The following CD247 variants were observed in gnomAD, a reference collection of about 807,000 sequenced individuals.
CD247 encodes CD247 molecule, also known as T-cell surface glycoprotein CD3 zeta chain.
A neutral mutation model predicts 30.0 loss-of-function variants in CD247; 13 were observed. The ratio of observed to expected loss-of-function variants is 0.43; its 90% confidence interval spans 0.28 to 0.69. CD247 has a LOEUF of 0.69. CD247 is among the 30% of genes least tolerant of loss of function. The pLI is 0.16. For synonymous variants in CD247, 72 were observed against 80.0 expected, an observed-to-expected ratio of 0.90 and a Z score of 0.53; for missense variants, 193 against 212.6, an observed-to-expected ratio of 0.91 and a Z score of 0.57.
intron 1 of CD247, among the ~76,000 whole-genome samples, chr1:167,477,326 G>A (rs1440362316): frequency 6.6e-6 from 1 of 152,206 alleles, no homozygotes; most frequent in African/African-American, 2.4e-5. Flanking sequence ...AGCCTGCCTT[G>A]AGCCCAAATT....
rs1477729165 is a variant in CD247, at chr1:167,494,332, T to TA, written c.58+24075dup. On this transcript the variant is annotated intron_variant, in intron 1 of 7. Coordinates refer to ENST00000362089, the MANE Select transcript of CD247 (RefSeq NM_198053.3). This position sits in a 1 kb window ranked among gnomAD's most constrained non-coding sequence, Gnocchi z 7.3. ...AATCTTTTCTGAAAGAGTCCGATGT[T>TA]ATCTAAGTGAGGACTGGCCAGGTAA... Among the ~76,000 whole-genome samples, 3 of 152,188 alleles carry TA rather than the reference T, an allele frequency of 2.0e-5. No individual in the cohort carries two copies. Among genetic ancestry groups the TA allele is most frequent in the Admixed American group, 1.3e-4 (2 of 15,276 alleles).
rs184254425 is a variant in CD247 at position 167,495,964 on chromosome 1, A to G, written c.58+22444T>C. ...TTCTCAGCATGTATCACAACTATCTACATATTTTTCAGTTTACCTCGTTTA... is the reference window on the plus strand; with the variant it reads ...TTCTCAGCATGTATCACAACTATCTGCATATTTTTCAGTTTACCTCGTTTA... On this transcript the variant is annotated intron_variant, in intron 1 of 7. Coordinates refer to ENST00000362089, the MANE Select transcript of CD247 (RefSeq NM_198053.3). Among the ~76,000 whole-genome samples, 14 of 152,064 alleles carry G rather than the reference A, an allele frequency of 9.2e-5. No individual in the cohort carries two copies. In the East Asian group the frequency reaches 2.7e-3, roughly 29 times the overall value.
intron 6 of CD247, 43 bp from the exon 7 acceptor site, chr1:167,433,102 G>A (rs375979320): frequency 2.5e-6 from 4 of 1,609,136 alleles, no homozygotes; most frequent in Non-Finnish European, 3.4e-6. Context: ...TAGAAAGTCA[G>A]GCAGTCAGTA....
At chr1:167,442,972 T>C (rs1651909390) in intron 1 of CD247, among the ~76,000 whole-genome samples, 1 of 151,936 alleles carries the variant, frequency 6.6e-6, no homozygotes, top group Non-Finnish European at 1.5e-5. Flanking sequence ...TCTTGTCTTT[T>C]CCCCCCATTC....
intron 1 of CD247, among the ~76,000 whole-genome samples, chr1:167,454,773 G>C (rs897054785): frequency 1.1e-4 from 16 of 152,182 alleles, no homozygotes; most frequent in Non-Finnish European, 1.9e-4. Context: ...CTGTAAGCTG[G>C]AGACCCTCTG....
chr1:167,503,276 T>C (rs531589548), intron 1 of CD247, among the ~76,000 whole-genome samples: 47 of 152,280 alleles, frequency 3.1e-4, no homozygotes, highest in African/African-American at 1.0e-3. Flanking sequence ...CTCCTCCTCC[T>C]TTTTGCATTA....
intron 4 of CD247, among the ~76,000 whole-genome samples, chr1:167,437,405 C>CAAA (rs11457214): frequency 6.8e-6 from 1 of 146,636 alleles, no homozygotes. Context: ...AACGCTGTCT[C>CAAA]AAAAAAAAAA....
At chr1:167,508,595 T>G (rs1655249156) in intron 1 of CD247, among the ~76,000 whole-genome samples, 1 of 152,214 alleles carries the variant, frequency 6.6e-6, no homozygotes, top group African/African-American at 2.4e-5. Context: ...CATTTGTGTA[T>G]TTTATGTAGG....
Position 167,499,755 on chromosome 1 carries a change from G to A in CD247, c.58+18653C>T, listed in dbSNP as rs529614721. 2.0e-4 allele frequency among the ~76,000 whole-genome samples: 31 copies of A among 152,320 alleles called. No homozygotes were observed. The South Asian group carries it at 2.3e-3, about 11-fold the overall frequency. On this transcript the variant is annotated intron_variant, in intron 1 of 7. Coordinates refer to ENST00000362089, the MANE Select transcript of CD247 (RefSeq NM_198053.3). ...GCCCACATGTAACTGTGCAGAGGGA[G>A]AGCTTAGATTTGAATCCAGAAGAAT...
chr1:167,484,705 A>T (rs919236290), intron 1 of CD247, among the ~76,000 whole-genome samples: 2 of 152,242 alleles, frequency 1.3e-5, no homozygotes, highest in South Asian at 4.1e-4. Flanking sequence ...TGAACCCGGG[A>T]GGCAGAGGTT....
At chr1:167,445,293 G>T (rs1652028716) in intron 1 of CD247, among the ~76,000 whole-genome samples, 1 of 152,118 alleles carries the variant, frequency 6.6e-6, no homozygotes, top group Admixed American at 6.5e-5. Flanking sequence ...GACCCCATAA[G>T]GGTATGTGTT....
intron 1 of CD247, among the ~76,000 whole-genome samples, chr1:167,500,298 T>G (rs984972330): frequency 1.3e-5 from 2 of 152,278 alleles, no homozygotes; most frequent in African/African-American, 4.8e-5. Context: ...TTTATTGTCC[T>G]ACAGTAATTC....
chr1:167,431,826 G>A (rs1347782378), intron 7 of CD247, 80 bp from the exon 8 acceptor site: 4 of 1,205,826 alleles, frequency 3.3e-6, no homozygotes, highest in African/African-American at 1.5e-5. Flanking sequence ...GCCAACAGGT[G>A]TCTCTGCAGC....
At chr1:167,506,519 TTCTC>T in intron 1 of CD247, among the ~76,000 whole-genome samples, 1 of 151,750 alleles carries the variant, frequency 6.6e-6, no homozygotes, top group East Asian at 1.9e-4. Context: ...AGCGAATATT[TTCTC>T]TCTCTCTCTT....
At chr1:167,483,987 A>G (rs1334089301) in intron 1 of CD247, among the ~76,000 whole-genome samples, 1 of 152,246 alleles carries the variant, frequency 6.6e-6, no homozygotes, top group Non-Finnish European at 1.5e-5. Context: ...GACTGCCCAC[A>G]GCAAGTGTCC....
At chr1:167,445,356 G>A (rs950061147) in intron 1 of CD247, among the ~76,000 whole-genome samples, 7 of 152,106 alleles carry the variant, frequency 4.6e-5, no homozygotes, top group African/African-American at 1.4e-4. Context: ...GCCCATGCAC[G>A]ATAAGTTGGA....
intron 1 of CD247, among the ~76,000 whole-genome samples, chr1:167,458,310 G>C (rs1407214498): frequency 6.6e-6 from 1 of 152,238 alleles, no homozygotes; most frequent in African/African-American, 2.4e-5. Flanking sequence ...GCAGGAATGA[G>C]TGGGATTGGG....
chr1:167,462,551 G>A (rs963094237), intron 1 of CD247, among the ~76,000 whole-genome samples: 1 of 152,244 alleles, frequency 6.6e-6, no homozygotes, highest in Non-Finnish European at 1.5e-5. Flanking sequence ...GAACCCAAGG[G>A]AGAGAGCTGC....
At chr1:167,460,612 T>C (rs1173513582) in intron 1 of CD247, among the ~76,000 whole-genome samples, 1 of 152,162 alleles carries the variant, frequency 6.6e-6, no homozygotes, top group African/African-American at 2.4e-5. Context: ...TTAAAAATTA[T>C]ACTTTAAGTT....
Sources: gnomAD v4.1 joint callset for allele counts (sites outside exome capture counted in the v4.1 genomes callset) on GRCh38, gnomAD v4.1.1 for gene constraint, Gnocchi (gnomAD v3.1) non-coding constraint, MANE v1.5 for transcripts, NCBI Gene and HGNC (gene_info 2026-07-23, HGNC 2026-07-21) for gene names.